SCRN1: variants seen among roughly 807,000 people sequenced by gnomAD.
The protein encoded by SCRN1 is secernin-1.
SCRN1 carries 19 observed loss-of-function variants against 43.3 expected under a neutral mutation model. That is an observed-to-expected ratio of 0.44 (90% CI 0.31 to 0.64). The LOEUF is 0.64. Ranked by LOEUF, SCRN1 falls within the 30% of genes least tolerant of loss-of-function variation. SCRN1 has a pLI of 0.09. For synonymous variants in SCRN1, 183 were observed against 188.9 expected (o/e 0.97, Z 0.26); for missense variants, 447 against 524.1 (o/e 0.85, Z 1.44).
At position 29,989,755 on chromosome 7, in the gene SCRN1, C is replaced by T. The variant is rs1367630029; in HGVS notation, c.-115G>A. 4 of 986,420 alleles carry T rather than the reference C, an allele frequency of 4.1e-6. No individual in the cohort carries two copies. In the East Asian group the frequency reaches 3.4e-4, roughly 84 times the overall value. 61.1% of individuals were successfully genotyped at this position (986,420 alleles called of 1,614,324 possible). A position where few individuals can be genotyped will look rare whatever the true frequency, so the allele number is the denominator to read the frequency against. ...ACTGCGGCGACCTCGGGGGCTGCAG[C>T]TGCAGTGGCGGAGGCGGCCGCCGGG... On this transcript the variant is annotated 5_prime_UTR_variant, in exon 1 of 8. Transcript: ENST00000242059.
intron 1 of SCRN1, among the ~76,000 whole-genome samples, chr7:29,976,614 T>G (rs779220344): frequency 5.9e-5 from 9 of 152,186 alleles, no homozygotes; most frequent in African/African-American, 1.4e-4. Flanking sequence ...AATTAGAAAA[T>G]TAAAGAGCCA....
intron 3 of SCRN1, among the ~76,000 whole-genome samples, chr7:29,947,799 T>G (rs533294187): frequency 6.6e-6 from 1 of 152,210 alleles, no homozygotes; most frequent in South Asian, 2.1e-4. Flanking sequence ...TCATGAGGGG[T>G]GGAGGCACCA....
chr7:29,975,170 G>A (rs1288371967), intron 1 of SCRN1, among the ~76,000 whole-genome samples: 2 of 152,034 alleles, frequency 1.3e-5, no homozygotes, highest in Non-Finnish European at 2.9e-5. Context: ...TAAAAACTTA[G>A]AACATGAGAA....
At chr7:29,952,393 A>G (rs950728848) in intron 3 of SCRN1, among the ~76,000 whole-genome samples, 6 of 152,192 alleles carry the variant, frequency 3.9e-5, no homozygotes, top group Admixed American at 2.6e-4. Flanking sequence ...TTAAATCATT[A>G]AAAAGGAAAT....
At chr7:29,987,972 C>A (rs1217761202) in intron 1 of SCRN1, among the ~76,000 whole-genome samples, 1 of 152,150 alleles carries the variant, frequency 6.6e-6, no homozygotes, top group East Asian at 1.9e-4. Context: ...GAAGCATTTG[C>A]CTCCTCATGT....
chr7:29,957,648 G>A (rs1292294651), intron 2 of SCRN1, among the ~76,000 whole-genome samples: 1 of 152,172 alleles, frequency 6.6e-6, no homozygotes, highest in African/African-American at 2.4e-5. Flanking sequence ...GATGGCTGGA[G>A]AAATTACAAA....
chr7:29,947,476 T>G (rs953197775), intron 3 of SCRN1, among the ~76,000 whole-genome samples: 2 of 152,208 alleles, frequency 1.3e-5, no homozygotes, highest in Non-Finnish European at 2.9e-5. Flanking sequence ...GCCATGGATA[T>G]ATAATCACTG....
chr7:29,979,192 G>A (rs1466150031), intron 1 of SCRN1, among the ~76,000 whole-genome samples: 1 of 151,990 alleles, frequency 6.6e-6, no homozygotes, highest in Admixed American at 6.6e-5. Context: ...GTGAAACCCT[G>A]TCTCTACTAA....
chr7:29,959,076 C>T (rs1211344613), intron 2 of SCRN1, among the ~76,000 whole-genome samples: 4 of 152,188 alleles, frequency 2.6e-5, no homozygotes, highest in Admixed American at 2.6e-4. Context: ...AGCTTCATGC[C>T]GTCACTTCAC....
intron 2 of SCRN1, among the ~76,000 whole-genome samples, chr7:29,959,725 G>GT (rs1449341151): frequency 6.6e-6 from 1 of 152,080 alleles, no homozygotes; most frequent in African/African-American, 2.4e-5. Flanking sequence ...TAGAAGAACT[G>GT]TTTTTTATTT....
intron 3 of SCRN1, among the ~76,000 whole-genome samples, chr7:29,945,719 C>T (rs892232364): frequency 6.6e-6 from 1 of 152,134 alleles, no homozygotes; most frequent in Non-Finnish European, 1.5e-5. Flanking sequence ...GTAATGTGAC[C>T]TTTCCAAACC....
At chr7:29,943,945 C>T in intron 4 of SCRN1, 32 bp downstream of exon 4, 2 of 1,609,824 alleles carry the variant, frequency 1.2e-6, no homozygotes, top group Non-Finnish European at 1.7e-6. Flanking sequence ...CTTCCCTGTC[C>T]TCAGAACTCT....
intron 1 of SCRN1, among the ~76,000 whole-genome samples, chr7:29,981,046 A>T (rs1313376550): frequency 6.6e-6 from 1 of 152,164 alleles, no homozygotes; most frequent in Non-Finnish European, 1.5e-5. Context: ...TAGTTTTAAA[A>T]TTCTTTACAG....
At chr7:29,967,443 G>C (rs1331370361) in intron 2 of SCRN1, among the ~76,000 whole-genome samples, 3 of 148,234 alleles carry the variant, frequency 2.0e-5, no homozygotes, top group Admixed American at 6.8e-5. Flanking sequence ...TGTCCAGGCT[G>C]GTCTCAACTT....
chr7:29,940,913 A>T (rs1010026020), intron 4 of SCRN1, 37 bp from the exon 5 acceptor site: 15 of 1,415,554 alleles, frequency 1.1e-5, no homozygotes, highest in Middle Eastern at 1.9e-4. Context: ...TTAAAAATAT[A>T]CTTATAAAGA....
chr7:29,984,926 A>G (rs1789105267), intron 1 of SCRN1, among the ~76,000 whole-genome samples: 1 of 144,238 alleles, frequency 6.9e-6, no homozygotes, highest in Non-Finnish European at 1.5e-5. Flanking sequence ...CTCAAAAAAA[A>G]AAAAAAAGAA....
At chr7:29,988,337 G>T (rs1789229406) in intron 1 of SCRN1, among the ~76,000 whole-genome samples, 1 of 152,124 alleles carries the variant, frequency 6.6e-6, no homozygotes, top group Non-Finnish European at 1.5e-5. Flanking sequence ...GTTTTAACTA[G>T]GTTTTGTATC....
intron 1 of SCRN1, among the ~76,000 whole-genome samples, chr7:29,975,391 G>A (rs1485892295): frequency 1.3e-5 from 2 of 152,172 alleles, no homozygotes; most frequent in Admixed American, 6.5e-5. Context: ...CAGAAATGGC[G>A]GTGGGGCTTC....
At chr7:29,985,807 C>A (rs1789131272) in intron 1 of SCRN1, among the ~76,000 whole-genome samples, 1 of 152,228 alleles carries the variant, frequency 6.6e-6, no homozygotes, top group African/African-American at 2.4e-5. Flanking sequence ...CCTGGTCACT[C>A]ACTTCTTGTA....
Sources: gnomAD v4.1 joint callset for allele counts (sites outside exome capture counted in the v4.1 genomes callset) on GRCh38, gnomAD v4.1.1 for gene constraint, MANE v1.5 for transcripts, NCBI Gene and HGNC (gene_info 2026-07-23, HGNC 2026-07-21) for gene names.